Variants in KDM3A observed in about 807,000 individuals in gnomAD.
KDM3A encodes the protein lysine-specific demethylase 3A.
Under a neutral mutation model 158.0 loss-of-function variants are expected in KDM3A, and 60 were observed. That is an observed-to-expected ratio of 0.38 (90% CI 0.31 to 0.47). The LOEUF (loss-of-function observed/expected upper bound fraction) is 0.47. Among genes scored for constraint, KDM3A ranks in the 20% least tolerant of loss-of-function variants. KDM3A has a pLI of 0.99. For missense variants in KDM3A, 1,319 were observed against 1,574.3 expected (o/e 0.84, Z 2.74); for synonymous variants, 608 against 549.3 (o/e 1.11, Z -1.49).
intron 8 of KDM3A, among the ~76,000 whole-genome samples, chr2:86,462,137 A>G (rs946063959): frequency 6.6e-6 from 1 of 152,150 alleles, no homozygotes; most frequent in African/African-American, 2.4e-5. Flanking sequence ...GATTCAATAC[A>G]TACTTTGCAA....
At chr2:86,480,140 A>G (rs780140458) in intron 15 of KDM3A, 27 bp from the exon 16 acceptor site, 1 of 1,558,600 alleles carries the variant, frequency 6.4e-7, no homozygotes, top group Non-Finnish European at 8.8e-7. Flanking sequence ...CAGCTTATGT[A>G]AAATCGTCCT....
upstream of KDM3A, among the ~76,000 whole-genome samples, chr2:86,439,442 A>G (rs1682563100): frequency 6.6e-6 from 1 of 152,084 alleles, no homozygotes; most frequent in Non-Finnish European, 1.5e-5. Context: ...CGCCCAGTTC[A>G]GAATTTGTGA....
At chr2:86,458,034 T>G (rs1300821951) in intron 8 of KDM3A, among the ~76,000 whole-genome samples, 1 of 152,204 alleles carries the variant, frequency 6.6e-6, no homozygotes, top group African/African-American at 2.4e-5. Context: ...GTGTTATAAT[T>G]ATCAAAAACT....
rs555389706 is a variant in KDM3A at position 86,478,189 on chromosome 2, C to G, written c.2112C>G (p.Phe704Leu). 6.2e-7 allele frequency: 1 copy of G among 1,614,014 alleles called. No homozygotes were observed. Among genetic ancestry groups the G allele is most frequent in the East Asian group, 2.2e-5 (1 of 44,882 alleles). The change falls in exon 14 of 26, where the codon TTC (phenylalanine) becomes TTG (leucine). Residue 704 changes from phenylalanine to leucine, a missense_variant. Coordinates refer to ENST00000312912, the MANE Select transcript of KDM3A (RefSeq NM_018433.6). ...NCQQGAAYKT[F>L]SWLKCVKSQI... is the part of the protein sequence containing the mutation. ...TTGCAGGTGCTGCTTACAAGACTTT[C>G]TCTTGGCTAAAATGTGTGAAGAGTC...
At chr2:86,475,379 C>T (rs867654756) in intron 12 of KDM3A, among the ~76,000 whole-genome samples, 2 of 152,074 alleles carry the variant, frequency 1.3e-5, no homozygotes, top group Admixed American at 6.5e-5. Flanking sequence ...TCAGACCTAC[C>T]GAGTTAGAGT....
chr2:86,488,374 G>A (rs1416386301), intron 21 of KDM3A: 2 of 152,030 alleles, frequency 1.3e-5, no homozygotes, highest in Admixed American at 1.3e-4. Context: ...CTCTCTTTAT[G>A]TTTTTTCATC....
chr2:86,474,453 A>G (rs978615400), intron 11 of KDM3A, among the ~76,000 whole-genome samples: 4 of 151,944 alleles, frequency 2.6e-5, no homozygotes, highest in South Asian at 2.1e-4. Flanking sequence ...ACCTGAGGTC[A>G]GGAGTTCAAG....
intron 19 of KDM3A, chr2:86,484,626 G>C: frequency 3.5e-6 from 1 of 288,380 alleles, no homozygotes; most frequent in Non-Finnish European, 6.5e-6. Context: ...CCAAGAATGA[G>C]TAGCAGCTTA....
Position 86,482,473 on chromosome 2 carries a change from A to C in KDM3A, c.2701A>C (p.Lys901Gln). The change falls in exon 18 of 26, where the codon AAG (lysine) becomes CAG (glutamine). Residue 901 changes from lysine (K) to glutamine (Q), a missense_variant. This residue lies in a region of KDM3A where 368 missense variants were observed against 415.8 expected (regional missense o/e 0.89). Transcript: ENST00000312912. The part of the protein sequence containing the change: ...SSTGKTENGL[K>Q]NTPKILDDIF... ...TCCAATTCAGACAGAAAATGGACTC[A>C]AGAATACACCAAAAATCCTTGATGA... The C allele has an allele frequency of 6.2e-7, 1 of 1,613,988 alleles. No individual in the cohort carries two copies. Among genetic ancestry groups the C allele is most frequent in the Non-Finnish European group, 8.5e-7 (1 of 1,179,964 alleles).
At chr2:86,453,549 C>G (rs1192648552) in intron 4 of KDM3A, among the ~76,000 whole-genome samples, 1 of 152,196 alleles carries the variant, frequency 6.6e-6, no homozygotes, top group Non-Finnish European at 1.5e-5. Context: ...GCCCTAAACT[C>G]TCCTAGGCAG....
At chr2:86,474,536 G>T (rs1020116263) in intron 11 of KDM3A, among the ~76,000 whole-genome samples, 4 of 151,836 alleles carry the variant, frequency 2.6e-5, no homozygotes, top group Non-Finnish European at 4.4e-5. Flanking sequence ...GGTGGCAGGC[G>T]CCTGTAATCC....
At chr2:86,460,030 T>C (rs1672862184) in intron 8 of KDM3A, among the ~76,000 whole-genome samples, 1 of 152,210 alleles carries the variant, frequency 6.6e-6, no homozygotes, top group Non-Finnish European at 1.5e-5. Flanking sequence ...AAAATATTTT[T>C]TTGATTGTGA....
At chr2:86,439,869 A>G (rs1682592540), upstream of KDM3A, among the ~76,000 whole-genome samples, 1 of 152,122 alleles carries the variant, frequency 6.6e-6, no homozygotes, top group African/African-American at 2.4e-5. Flanking sequence ...TCATTTGGCT[A>G]CCATTTGATT....
Position 86,478,231 on chromosome 2 carries a change from G to A in KDM3A, c.2154G>A (p.Glu718=). ...TGAAGAGTCAGATACATGAACCAGA[G>A]AACTTAATGCCCACACAGATCATTC... ...KCVKSQIHEP[E]NLMPTQIIPG... is the part of the protein sequence containing the mutation. The change falls in exon 14 of 26, where the codon GAG becomes GAA. Residue 718 remains glutamate (E), a synonymous_variant. Coordinates refer to ENST00000312912, the MANE Select transcript of KDM3A (RefSeq NM_018433.6). 6.2e-7 allele frequency: 1 copy of A among 1,613,756 alleles called. No individual in the cohort carries two copies. The highest frequency in any genetic ancestry group is 1.1e-5 in the South Asian group (1 of 91,068).
At chr2:86,476,766 T>C (rs1187517554) in intron 12 of KDM3A, among the ~76,000 whole-genome samples, 2 of 152,256 alleles carry the variant, frequency 1.3e-5, no homozygotes, top group Non-Finnish European at 2.9e-5. Context: ...CAATACATTA[T>C]AATGTAATGG....
chr2:86,477,184 C>G (rs1040782451), intron 12 of KDM3A, among the ~76,000 whole-genome samples: 1 of 152,210 alleles, frequency 6.6e-6, no homozygotes, highest in African/African-American at 2.4e-5. Context: ...GTGGAATCCC[C>G]GGTCGTGCCT....
At chr2:86,457,853 A>C (rs1672771187) in intron 8 of KDM3A, among the ~76,000 whole-genome samples, 1 of 152,216 alleles carries the variant, frequency 6.6e-6, no homozygotes, top group African/African-American at 2.4e-5. Flanking sequence ...GCTTTTGTGA[A>C]TGCTACTGTG....
intron 8 of KDM3A, among the ~76,000 whole-genome samples, chr2:86,462,085 G>A (rs1672954265): frequency 1.3e-5 from 2 of 152,136 alleles, no homozygotes. Context: ...GTGTAGCTTA[G>A]GGGAAAGATG....
intron 3 of KDM3A, among the ~76,000 whole-genome samples, chr2:86,450,877 T>G (rs1573147222): frequency 1.3e-5 from 2 of 152,176 alleles, no homozygotes; most frequent in South Asian, 4.1e-4. Flanking sequence ...GTGAACCCAG[T>G]CTTGAATATT....
Sources: gnomAD v4.1 joint callset for allele counts (sites outside exome capture counted in the v4.1 genomes callset) on GRCh38, gnomAD v4.1.1 for gene constraint, gnomAD v4.1.1 regional missense constraint, MANE v1.5 for transcripts, NCBI Gene and HGNC (gene_info 2026-07-23, HGNC 2026-07-21) for gene names.